The following NDUFS7 variants were observed in gnomAD, a reference collection of about 807,000 sequenced individuals.
The protein encoded by NDUFS7 is NADH dehydrogenase [ubiquinone] iron-sulfur protein 7, mitochondrial.
NDUFS7 carries 11 observed loss-of-function variants against 31.1 expected under a neutral mutation model. The observed-to-expected ratio is 0.35, with a 90% confidence interval of 0.22 to 0.59. The LOEUF (loss-of-function observed/expected upper bound fraction) is 0.59. Among genes scored for constraint, NDUFS7 ranks in the 20% least tolerant of loss-of-function variants. The pLI, the probability that NDUFS7 is intolerant of heterozygous loss-of-function variation, is 0.79. For missense variants in NDUFS7, 263 were observed against 324.2 expected (o/e 0.81, Z 1.45); for synonymous variants, 136 against 127.9 (o/e 1.06, Z -0.43).
intron 1 of NDUFS7, 124 bp from the exon 2 acceptor site, chr19:1,387,687 A>AC: frequency 1.2e-6 from 1 of 833,486 alleles, no homozygotes. Flanking sequence ...ACGTTTGTTA[A>AC]GTGGCACTCG....
At chr19:1,392,411 C>T (rs1600151967) in intron 6 of NDUFS7, 1 of 152,260 alleles carries the variant, frequency 6.6e-6, no homozygotes. Flanking sequence ...AATTCCAGAA[C>T]ATTCTCATCA....
chr19:1,394,744 C>T (rs1389934302), intron 7 of NDUFS7: 15 of 1,187,084 alleles, frequency 1.3e-5, no homozygotes, highest in Non-Finnish European at 1.2e-5. Flanking sequence ...TGCCAGAGCT[C>T]TGCCAGGTGG....
chr19:1,390,527 G>A (rs748349820), intron 4 of NDUFS7: 9 of 441,786 alleles, frequency 2.0e-5, no homozygotes, highest in Admixed American at 3.6e-5. Flanking sequence ...GAGAGTTCCC[G>A]GTTAGACCTG....
rs2082571919 is a variant in NDUFS7 at position 1,393,469 on chromosome 19, G to A, written c.544+139G>A. 4.1e-6 allele frequency: 3 copies of A among 732,888 alleles called. 1 individual carries two copies. The highest frequency in any genetic ancestry group is 7.2e-6 in the Non-Finnish European group (3 of 414,520). The allele number at this position is 732,888 out of a possible 1,614,324, so 45.4% of individuals were successfully genotyped here. A position where few individuals can be genotyped will look rare whatever the true frequency, so the allele number is the denominator to read the frequency against. Reference sequence around the variant, plus strand: ...CATCCTATGGATGGGCCGACTCGGAGCGCTGCCTCTTAGTGGAGCCTGTCC... The same window carrying A: ...CATCCTATGGATGGGCCGACTCGGAACGCTGCCTCTTAGTGGAGCCTGTCC... On this transcript the variant is annotated intron_variant, in intron 7 of 7. Coordinates refer to ENST00000233627, the MANE Select transcript of NDUFS7 (RefSeq NM_024407.5). The surrounding 1 kb of genome is among the most constrained non-coding windows in gnomAD (Gnocchi z 7.3).
Position 1,395,232 on chromosome 19 carries a change from C to T in NDUFS7, c.545-159C>T, listed in dbSNP as rs1044717007. 2.8e-6 allele frequency: 4 copies of T among 1,438,572 alleles called. No individual in the cohort carries two copies. In the African/African-American group the frequency reaches 4.3e-5, roughly 15 times the overall value. 89.1% of individuals were successfully genotyped at this position (1,438,572 alleles called of 1,614,324 possible). A position where few individuals can be genotyped will look rare whatever the true frequency, so the allele number is the denominator to read the frequency against. Reference sequence around the variant, plus strand: ...TCTTCCTGCAGGGACCTCCCCTGCGCCGGCTCCCAGTCCCTGGCACTGCGC... The same window carrying T: ...TCTTCCTGCAGGGACCTCCCCTGCGTCGGCTCCCAGTCCCTGGCACTGCGC... On this transcript the variant is annotated intron_variant, in intron 7 of 7. Transcript: ENST00000233627.
At chr19:1,387,370 G>A (rs535177044) in intron 1 of NDUFS7, among the ~76,000 whole-genome samples, 2 of 152,358 alleles carry the variant, frequency 1.3e-5, no homozygotes, top group African/African-American at 4.8e-5. Context: ...GGAGGACCTG[G>A]GGTCCTGGTG....
At position 1,393,250 on chromosome 19, in the gene NDUFS7, ACGGAG is replaced by A; in HGVS notation, c.465_469del (p.Asn155LysfsTer?). Reference sequence around the variant, plus strand: ...CGGTGCCTCCCCAACAGCTGCGCCAACGGAGGAGGCTACTACCACTATTCCTACTC... The same window carrying A: ...CGGTGCCTCCCCAACAGCTGCGCCAAGAGGCTACTACCACTATTCCTACTC... On this transcript the variant is annotated frameshift_variant, in exon 7 of 8. Coordinates refer to ENST00000233627, the MANE Select transcript of NDUFS7 (RefSeq NM_024407.5). LOFTEE classifies it high-confidence loss of function. The surrounding 1 kb of genome is among the most constrained non-coding windows in gnomAD (Gnocchi z 7.3). The A allele has an allele frequency of 6.4e-7, 1 of 1,569,576 alleles. No individual in the cohort carries two copies.
Position 1,393,701 on chromosome 19 carries a change from G to T in NDUFS7, c.544+371G>T, listed in dbSNP as rs570526380. ...CCCGCGCCCTCAGCCTTACAGAAGG[G>T]CACGCAGGACTCCCTGGGACCCGGG... On this transcript the variant is annotated intron_variant, in intron 7 of 7. Transcript: ENST00000233627. This position sits in a 1 kb window ranked among gnomAD's most constrained non-coding sequence, Gnocchi z 7.3. 1.8e-5 allele frequency: 10 copies of T among 567,906 alleles called. No individual in the cohort carries two copies. In the African/African-American group the frequency reaches 1.9e-4, roughly 11 times the overall value. 35.2% of individuals were successfully genotyped at this position (567,906 alleles called of 1,614,324 possible).
In NDUFS7 at chr19:1,393,155, G is replaced by A. The variant is rs976384315; in HGVS notation, c.456-87G>A. 17 of 1,088,478 alleles carry A rather than the reference G, an allele frequency of 1.6e-5. No individual in the cohort carries two copies. In the African/African-American group the frequency reaches 2.3e-4, roughly 15 times the overall value. 67.4% of individuals were successfully genotyped at this position (1,088,478 alleles called of 1,614,324 possible). On this transcript the variant is annotated intron_variant, in intron 6 of 7. Transcript: ENST00000233627. This position sits in a 1 kb window ranked among gnomAD's most constrained non-coding sequence, Gnocchi z 7.3. Reference sequence around the variant, plus strand: ...CGTAGGTGCCTGGCCTGCAGTTGAAGGCGGGTGGGGATGGGGCGAGGCCTC... The same window carrying A: ...CGTAGGTGCCTGGCCTGCAGTTGAAAGCGGGTGGGGATGGGGCGAGGCCTC...
chr19:1,389,031 TAC>T (rs934714296), intron 4 of NDUFS7, 93 bp downstream of exon 4: 23 of 1,039,694 alleles, frequency 2.2e-5, no homozygotes, highest in South Asian at 9.5e-5. Context: ...TGCAGACACG[TAC>T]ACACACAACA....
At chr19:1,386,049 T>C (rs745472251) in intron 1 of NDUFS7, among the ~76,000 whole-genome samples, 19 of 152,140 alleles carry the variant, frequency 1.2e-4, no homozygotes, top group Non-Finnish European at 4.4e-5. Context: ...GTCACAGGCT[T>C]GTGTCCTTCA....
chr19:1,385,674 C>T (rs1167834360), intron 1 of NDUFS7, among the ~76,000 whole-genome samples: 1 of 152,032 alleles, frequency 6.6e-6, no homozygotes. Flanking sequence ...GCAAAATTAG[C>T]TGAGCGTGGT....
intron 7 of NDUFS7, chr19:1,394,229 C>A (rs911788262): frequency 1.4e-5 from 7 of 503,110 alleles, no homozygotes; most frequent in African/African-American, 8.0e-5. Context: ...TTGATTTGTT[C>A]AGCGTTCTGC....
intron 1 of NDUFS7, 37 bp downstream of exon 1, chr19:1,383,979 G>C: frequency 1.3e-6 from 2 of 1,553,026 alleles, no homozygotes; most frequent in South Asian, 1.2e-5. Flanking sequence ...GGGGCCGCGC[G>C]GGTCTGGGGC....
chr19:1,394,794 C>T (rs1229459329), intron 7 of NDUFS7: 1 of 1,176,660 alleles, frequency 8.5e-7, no homozygotes, highest in African/African-American at 1.6e-5. Flanking sequence ...GTGGCCTTGT[C>T]CTTTCTCACC....
chr19:1,389,099 A>G lies in NDUFS7; in HGVS notation c.228+161A>G, dbSNP rs556363755. The stretch of plus-strand genomic sequence containing the variant: ...CATGCAAGCTCACATGTATGGACAG[A>G]TGTGTACACGGACCACACGCACACT... On this transcript the variant is annotated intron_variant, in intron 4 of 7. Coordinates refer to ENST00000233627, the MANE Select transcript of NDUFS7 (RefSeq NM_024407.5). 59 of 733,354 alleles carry G rather than the reference A, an allele frequency of 8.0e-5. No individual in the cohort carries two copies. In the African/African-American group the frequency reaches 8.6e-4, roughly 11 times the overall value. 45.4% of individuals were successfully genotyped at this position (733,354 alleles called of 1,614,324 possible).
rs1020567569 is a variant in NDUFS7, at chr19:1,384,086, C to T, written c.16+144C>T. ...TTCTCCGAGCCGGCCGCTCCTCGGG[C>T]TCCCCGCCCGGCTTGCGATGAACGG... On this transcript the variant is annotated intron_variant, in intron 1 of 7. Coordinates refer to ENST00000233627, the MANE Select transcript of NDUFS7 (RefSeq NM_024407.5). 2.9e-5 allele frequency: 26 copies of T among 908,080 alleles called. No individual in the cohort carries two copies. In the African/African-American group the frequency reaches 4.5e-4, roughly 16 times the overall value. 56.3% of individuals were successfully genotyped at this position (908,080 alleles called of 1,614,324 possible). A position where few individuals can be genotyped will look rare whatever the true frequency, so the allele number is the denominator to read the frequency against.
chr19:1,388,454 A>C (rs1018931190), intron 2 of NDUFS7, 71 bp from the exon 3 acceptor site: 3 of 1,405,278 alleles, frequency 2.1e-6, no homozygotes, highest in Non-Finnish European at 3.0e-6. Flanking sequence ...GAGGCAGGAC[A>C]ACAGTGAGTG....
chr19:1,386,698 T>A (rs2082509618), intron 1 of NDUFS7: 1 of 152,230 alleles, frequency 6.6e-6, no homozygotes, highest in Admixed American at 6.5e-5. Flanking sequence ...GGTTTCACCA[T>A]GTTGCCCAGG....
Sources: allele counts gnomAD v4.1 joint callset (sites outside exome capture counted in the v4.1 genomes callset), GRCh38; gene constraint gnomAD v4.1.1; non-coding constraint Gnocchi (gnomAD v3.1); transcripts MANE v1.5; gene names NCBI Gene and HGNC (gene_info 2026-07-23, HGNC 2026-07-21).